The following HDHD2 variants were observed in gnomAD, a reference collection of about 807,000 sequenced individuals.
The protein encoded by HDHD2 is haloacid dehalogenase like hydrolase domain containing 2.
Under a neutral mutation model 24.8 loss-of-function variants are expected in HDHD2, and 26 were observed. The ratio of observed to expected loss-of-function variants is 1.05; its 90% CI spans 0.77 to 1.45. The LOEUF is 1.45. Ranked by LOEUF, HDHD2 falls within the 40% of genes most tolerant of loss-of-function variation. The probability of loss-of-function intolerance (pLI) is 0.00; values close to 1 mark genes in which losing one functional copy is unlikely to be tolerated. For missense variants in HDHD2, 299 were observed against 313.4 expected (o/e 0.95, Z 0.35); for synonymous variants, 128 against 114.9 (o/e 1.11, Z -0.73).
intron 6 of HDHD2, chr18:47,109,128 A>C: frequency 4.8e-6 from 1 of 207,868 alleles, no homozygotes; most frequent in South Asian, 1.0e-4. Context: ...GATTAAATTA[A>C]TGCTTTAAAA....
chr18:47,126,104 A>T (rs2144324409), intron 4 of HDHD2, among the ~76,000 whole-genome samples: 1 of 152,338 alleles, frequency 6.6e-6, no homozygotes, highest in Middle Eastern at 3.4e-3. Context: ...CTGAAGTCTT[A>T]AACAATTTCT....
chr18:47,136,923 C>T (rs1214489417), intron 1 of HDHD2: 2 of 464,200 alleles, frequency 4.3e-6, no homozygotes, highest in Non-Finnish European at 3.9e-6. Context: ...GGCTCTCCCT[C>T]GTCCACCACT....
intron 6 of HDHD2, chr18:47,111,789 A>C: frequency 2.0e-6 from 2 of 985,346 alleles, no homozygotes; most frequent in Non-Finnish European, 2.4e-6. Context: ...TCTTGTTTCT[A>C]TTTGAAATTC....
rs73954234 is a variant in HDHD2 at position 47,111,622 on chromosome 18, G to A, written c.676+1355C>T. 2.8e-3 allele frequency: 2,777 copies of A among 985,144 alleles called. 63 individuals carry two copies. In the African/African-American group the frequency reaches 0.045, roughly 16 times the overall value. 61.0% of individuals were successfully genotyped at this position (985,144 alleles called of 1,614,324 possible). On this transcript the variant is annotated intron_variant, in intron 6 of 6. Transcript: ENST00000300605. ...GGTGATCATTTTGACTGAGACATTC[G>A]AAAAAATCCACTGTGTTAATTCTAG... is the stretch of plus-strand genomic sequence containing the variant.
At chr18:47,143,783 A>G (rs1220616494) in intron 1 of HDHD2, among the ~76,000 whole-genome samples, 1 of 152,180 alleles carries the variant, frequency 6.6e-6, no homozygotes, top group African/African-American at 2.4e-5. Flanking sequence ...AATTATATCC[A>G]TCTTTAAAGC....
chr18:47,141,341 T>C (rs374107117), intron 1 of HDHD2, among the ~76,000 whole-genome samples: 1 of 152,192 alleles, frequency 6.6e-6, no homozygotes, highest in South Asian at 2.1e-4. Flanking sequence ...TACTAAAAGA[T>C]AAGAAACAAC....
chr18:47,127,391 T>C (rs1599940604), intron 4 of HDHD2, among the ~76,000 whole-genome samples: 1 of 152,180 alleles, frequency 6.6e-6, no homozygotes, highest in Non-Finnish European at 1.5e-5. Context: ...AGAAACTGGC[T>C]ATGTGCTAAA....
chr18:47,128,453 C>G (rs979352294), intron 4 of HDHD2, among the ~76,000 whole-genome samples: 1 of 152,158 alleles, frequency 6.6e-6, no homozygotes, highest in Non-Finnish European at 1.5e-5. Flanking sequence ...AGTTGTAGAA[C>G]TTACTTAAGG....
intron 4 of HDHD2, among the ~76,000 whole-genome samples, chr18:47,124,642 G>A (rs371994814): frequency 1.5e-5 from 2 of 135,692 alleles, no homozygotes; most frequent in Admixed American, 1.6e-4. Context: ...GGAGGCAGAG[G>A]TTGCAGTGAG....
At chr18:47,128,121 G>C (rs548921615) in intron 4 of HDHD2, among the ~76,000 whole-genome samples, 4 of 152,270 alleles carry the variant, frequency 2.6e-5, no homozygotes, top group African/African-American at 9.6e-5. Context: ...TGTGAAATTA[G>C]AGTTGACCTA....
At position 47,149,650 on chromosome 18, in the gene HDHD2, C is replaced by G. The variant is rs143744391; in HGVS notation, c.-11+728G>C. 1.4e-4 allele frequency among the ~76,000 whole-genome samples: 21 copies of G among 152,284 alleles called. No individual in the cohort carries two copies. In the East Asian group the frequency reaches 4.1e-3, roughly 29 times the overall value. ...GCAACTACTCGGGCCCCTCTACACC[C>G]TCATCTCCTGGCCAATCCCTTTAGC... On this transcript the variant is annotated intron_variant, in intron 1 of 6. Coordinates refer to ENST00000300605, the MANE Select transcript of HDHD2 (RefSeq NM_032124.5).
At chr18:47,109,813 A>G (rs1383880997) in intron 6 of HDHD2, 1 of 208,854 alleles carries the variant, frequency 4.8e-6, no homozygotes, top group East Asian at 1.8e-4. Flanking sequence ...TTATGCATTT[A>G]TTTGTTTAAC....
chr18:47,109,240 C>A, intron 6 of HDHD2: 1 of 155,780 alleles, frequency 6.4e-6, no homozygotes, highest in East Asian at 1.9e-4. Context: ...GCCCGGGAGC[C>A]CAGCAGATGA....
At chr18:47,128,922 T>C (rs912460573) in intron 4 of HDHD2, among the ~76,000 whole-genome samples, 19 of 152,188 alleles carry the variant, frequency 1.2e-4, no homozygotes, top group African/African-American at 4.6e-4. Context: ...AGTATATACA[T>C]GAAGAAATGA....
chr18:47,149,012 C>T (rs1387280913), intron 1 of HDHD2: 1 of 152,118 alleles, frequency 6.6e-6, no homozygotes, highest in African/African-American at 2.4e-5. Context: ...AATAACACAA[C>T]TCTAATGGTT....
chr18:47,141,967 T>G (rs567055461), intron 1 of HDHD2, among the ~76,000 whole-genome samples: 1 of 152,184 alleles, frequency 6.6e-6, no homozygotes, highest in Admixed American at 6.5e-5. Flanking sequence ...CTCCCAAGAT[T>G]TGATGGTTTA....
intron 1 of HDHD2, among the ~76,000 whole-genome samples, chr18:47,143,342 G>A (rs530022596): frequency 6.6e-6 from 1 of 152,254 alleles, no homozygotes; most frequent in South Asian, 2.1e-4. Flanking sequence ...TGTAGTCTCA[G>A]CTACTGGGAT....
chr18:47,149,879 C>T (rs1182701027), intron 1 of HDHD2, among the ~76,000 whole-genome samples: 1 of 152,096 alleles, frequency 6.6e-6, no homozygotes, highest in Non-Finnish European at 1.5e-5. Context: ...TTTAGGCGTT[C>T]AATAAAGATC....
intron 1 of HDHD2, among the ~76,000 whole-genome samples, chr18:47,138,946 A>T (rs940525674): frequency 6.6e-6 from 1 of 152,224 alleles, no homozygotes; most frequent in Non-Finnish European, 1.5e-5. Flanking sequence ...CGCATACTTC[A>T]ATCATACCTA....
Sources: gnomAD v4.1 joint callset for allele counts (sites outside exome capture counted in the v4.1 genomes callset) on GRCh38, gnomAD v4.1.1 for gene constraint, MANE v1.5 for transcripts, NCBI Gene and HGNC (gene_info 2026-07-23, HGNC 2026-07-21) for gene names.